The following AKAP6 variants were observed in gnomAD, a reference collection of about 807,000 sequenced individuals.
The protein encoded by AKAP6 is A-kinase anchoring protein 6.
AKAP6 carries 58 observed loss-of-function variants against 188.5 expected under a neutral mutation model. The ratio of observed to expected loss-of-function variants is 0.31; its 90% CI spans 0.25 to 0.38. The LOEUF is 0.38. AKAP6 is among the 10% of genes least tolerant of loss of function. The probability of loss-of-function intolerance (pLI) is 1.00; values close to 1 mark genes in which losing one functional copy is unlikely to be tolerated. For missense variants in AKAP6, 2,710 were observed against 2,740.0 expected (o/e 0.99, Z 0.24); for synonymous variants, 989 against 998.6 (o/e 0.99, Z 0.18).
intron 4 of AKAP6, among the ~76,000 whole-genome samples, chr14:32,574,458 G>A (rs1440340944): frequency 6.6e-6 from 1 of 152,136 alleles, no homozygotes; most frequent in Non-Finnish European, 1.5e-5. Context: ...GGTTCTGTTA[G>A]GAAACCTGAC....
rs775342120 is a variant in AKAP6, at chr14:32,821,732, A to G, written c.3919A>G (p.Asn1307Asp). Residue 1307 changes from asparagine to aspartate, a missense_variant, in exon 13 of 14, where the codon AAC becomes GAC. Asn to Asp is a conservative substitution (Grantham distance 23, BLOSUM62 1). Around this residue, in one of 2 missense-constraint regions of AKAP6, gnomAD observed 2,473 missense variants for 2,426.1 expected, o/e 1.02. Transcript: ENST00000280979. ...YEDNHMPFLK[N>D]NPKVTGMTQP... Reference sequence around the variant, plus strand: ...GGACAACCACATGCCATTTCTGAAAAACAATCCAAAGGTCACTGGCATGAC... The same window carrying G: ...GGACAACCACATGCCATTTCTGAAAGACAATCCAAAGGTCACTGGCATGAC... 1 of 1,613,876 alleles carries G rather than the reference A, an allele frequency of 6.2e-7. No homozygotes were observed. The highest frequency in any genetic ancestry group is 1.1e-5 in the South Asian group (1 of 91,076).
intron 7 of AKAP6, among the ~76,000 whole-genome samples, chr14:32,650,164 A>G (rs1048819703): frequency 2.0e-5 from 3 of 152,156 alleles, no homozygotes; most frequent in African/African-American, 7.2e-5. Context: ...GAAACTCCCT[A>G]AACACTAAAG....
At chr14:32,564,534 T>C (rs1218284881) in intron 4 of AKAP6, among the ~76,000 whole-genome samples, 1 of 152,134 alleles carries the variant, frequency 6.6e-6, no homozygotes, top group Non-Finnish European at 1.5e-5. Flanking sequence ...GAGCTTGATC[T>C]TGAAGGATAG....
intron 7 of AKAP6, among the ~76,000 whole-genome samples, chr14:32,619,167 A>C (rs184480945): frequency 6.6e-6 from 1 of 151,080 alleles, no homozygotes; most frequent in African/African-American, 2.5e-5. Flanking sequence ...TTTGCTCTAC[A>C]GGAGCTCTTT....
At chr14:32,709,133 G>A (rs945089924) in intron 9 of AKAP6, among the ~76,000 whole-genome samples, 2 of 151,902 alleles carry the variant, frequency 1.3e-5, no homozygotes, top group East Asian at 3.9e-4. Context: ...TCCAAGTTTG[G>A]GTTAGAAAAA....
At chr14:32,755,588 C>T (rs1424059584) in intron 11 of AKAP6, among the ~76,000 whole-genome samples, 1 of 151,938 alleles carries the variant, frequency 6.6e-6, no homozygotes. Flanking sequence ...AGTGTAGCAG[C>T]ATGATCTTGG....
chr14:32,507,865 A>T (rs1880960415), intron 2 of AKAP6, among the ~76,000 whole-genome samples: 1 of 152,222 alleles, frequency 6.6e-6, no homozygotes, highest in Admixed American at 6.5e-5. Context: ...TTTCAAGGAT[A>T]GTATGAAACC....
chr14:32,488,779 C>A (rs1326098237), intron 2 of AKAP6, among the ~76,000 whole-genome samples: 1 of 152,118 alleles, frequency 6.6e-6, no homozygotes, highest in African/African-American at 2.4e-5. Flanking sequence ...TTTCCTGACC[C>A]CTTGTGCTTC....
chr14:32,629,633 A>G (rs2139447790), intron 7 of AKAP6, among the ~76,000 whole-genome samples: 1 of 152,068 alleles, frequency 6.6e-6, no homozygotes, highest in African/African-American at 2.4e-5. Flanking sequence ...AGAATGTACA[A>G]GTAAGATTAT....
chr14:32,379,085 C>CT (rs1331069647), intron 1 of AKAP6, among the ~76,000 whole-genome samples: 3 of 151,646 alleles, frequency 2.0e-5, no homozygotes, highest in East Asian at 1.9e-4. Flanking sequence ...CGCCTGGCTA[C>CT]TTTTTTTGTA....
intron 1 of AKAP6, among the ~76,000 whole-genome samples, chr14:32,358,001 G>A (rs879848146): frequency 7.2e-5 from 11 of 152,210 alleles, no homozygotes; most frequent in Admixed American, 1.3e-4. Flanking sequence ...ACTTTACTGA[G>A]AGGAAGAAGA....
intron 1 of AKAP6, among the ~76,000 whole-genome samples, chr14:32,410,414 A>G (rs1260159427): frequency 6.6e-6 from 1 of 152,096 alleles, no homozygotes; most frequent in African/African-American, 2.4e-5. Flanking sequence ...CCCCACTTTG[A>G]GTTGTCCTGC....
At chr14:32,522,888 G>A (rs898800181) in intron 2 of AKAP6, among the ~76,000 whole-genome samples, 1 of 152,152 alleles carries the variant, frequency 6.6e-6, no homozygotes, top group East Asian at 1.9e-4. Context: ...TATGTTTAAT[G>A]GGGCACTATT....
intron 9 of AKAP6, among the ~76,000 whole-genome samples, chr14:32,701,182 C>T (rs1387580393): frequency 6.6e-6 from 1 of 151,838 alleles, no homozygotes; most frequent in Non-Finnish European, 1.5e-5. Flanking sequence ...TTATAAGAAT[C>T]AACATGAAAA....
At chr14:32,585,115 T>G (rs1358848544) in intron 5 of AKAP6, among the ~76,000 whole-genome samples, 1 of 151,868 alleles carries the variant, frequency 6.6e-6, no homozygotes, top group African/African-American at 2.4e-5. Context: ...AGTTTCCCCC[T>G]CTAGAGATTT....
At chr14:32,496,361 G>A (rs1880313598) in intron 2 of AKAP6, among the ~76,000 whole-genome samples, 1 of 151,996 alleles carries the variant, frequency 6.6e-6, no homozygotes, top group African/African-American at 2.4e-5. Context: ...AACAAAAACT[G>A]CATTTTTATG....
rs1470043668 is a variant in AKAP6, at chr14:32,546,738, G to T, written c.2085G>T (p.Arg695Ser). Residue 695 changes from arginine to serine, a missense_variant, in exon 4 of 14, where the codon AGG becomes AGT. By Grantham distance (110) the Arg-to-Ser change is moderately radical. Around this residue, in one of 2 missense-constraint regions of AKAP6, gnomAD observed 2,473 missense variants for 2,426.1 expected, o/e 1.02. Coordinates refer to ENST00000280979, the MANE Select transcript of AKAP6 (RefSeq NM_004274.5). ...AAAAGAAGCATACAAGGCTAGGCAGGGTGTCTCCAAGCTCATCTAGTGACA... is the reference window on the plus strand; with the variant it reads ...AAAAGAAGCATACAAGGCTAGGCAGTGTGTCTCCAAGCTCATCTAGTGACA... ...HVKKKHTRLGRVSPSSSSDIA... is the reference protein window; with the variant it reads ...HVKKKHTRLGSVSPSSSSDIA... 8.1e-6 allele frequency: 13 copies of T among 1,613,932 alleles called. No individual in the cohort carries two copies. Among genetic ancestry groups the T allele is most frequent in the Admixed American group, 1.7e-5 (1 of 60,002 alleles).
At chr14:32,365,778 C>G (rs187284625) in intron 1 of AKAP6, among the ~76,000 whole-genome samples, 21 of 152,294 alleles carry the variant, frequency 1.4e-4, no homozygotes, top group Admixed American at 3.3e-4. Context: ...GGAGGAAGAC[C>G]ATGCCCCCTA....
intron 9 of AKAP6, among the ~76,000 whole-genome samples, chr14:32,719,538 T>C (rs1389317128): frequency 1.3e-5 from 2 of 152,212 alleles, no homozygotes; most frequent in Admixed American, 1.3e-4. Context: ...AAGATATCTC[T>C]TTGAGGAAAT....
Sources: allele counts gnomAD v4.1 joint callset (sites outside exome capture counted in the v4.1 genomes callset), GRCh38; gene constraint gnomAD v4.1.1; regional missense constraint gnomAD v4.1.1; transcripts MANE v1.5; gene names NCBI Gene and HGNC (gene_info 2026-07-23, HGNC 2026-07-21).